Variants in PTPRR observed in about 807,000 individuals in gnomAD.
PTPRR encodes protein tyrosine phosphatase receptor type R, also known as receptor-type tyrosine-protein phosphatase R.
In PTPRR, 38 loss-of-function variants were observed where a neutral mutation model predicts 77.2. That is an observed-to-expected ratio of 0.49 (90% CI 0.38 to 0.65). The LOEUF is 0.65. Among genes scored for constraint, PTPRR ranks in the 30% least tolerant of loss-of-function variants. The pLI is 0.00. For missense variants in PTPRR, 744 were observed against 799.2 expected, an observed-to-expected ratio of 0.93 and a Z score of 0.83; for synonymous variants, 299 against 283.1, an observed-to-expected ratio of 1.06 and a Z score of -0.57.
At chr12:70,708,760 T>A (rs2136806620) in intron 6 of PTPRR, among the ~76,000 whole-genome samples, 1 of 151,866 alleles carries the variant, frequency 6.6e-6, no homozygotes, top group Middle Eastern at 3.4e-3. Flanking sequence ...CCATTCCTTG[T>A]GAAATGAGAA....
intron 2 of PTPRR, among the ~76,000 whole-genome samples, chr12:70,868,268 A>C (rs937446622): frequency 2.0e-5 from 3 of 152,080 alleles, no homozygotes; most frequent in Non-Finnish European, 4.4e-5. Context: ...AAATGGGAAA[A>C]AATTTTCGCA....
intron 1 of PTPRR, among the ~76,000 whole-genome samples, chr12:70,908,685 G>C (rs1893659431): frequency 6.6e-6 from 1 of 152,134 alleles, no homozygotes; most frequent in Admixed American, 6.5e-5. Context: ...GGGGAAAGAG[G>C]TCTGTAGCTG....
At chr12:70,768,683 A>G (rs1177694811) in intron 2 of PTPRR, among the ~76,000 whole-genome samples, 3 of 152,236 alleles carry the variant, frequency 2.0e-5, no homozygotes, top group African/African-American at 4.8e-5. Flanking sequence ...TCCTGATACC[A>G]AAGCCGGGCA....
At chr12:70,754,149 T>G (rs757802117) in intron 5 of PTPRR, 42 bp downstream of exon 5, 3 of 1,582,378 alleles carry the variant, frequency 1.9e-6, no homozygotes, top group Non-Finnish European at 2.6e-6. Context: ...TATCAAGCAG[T>G]GGGCTGAGCA....
intron 6 of PTPRR, among the ~76,000 whole-genome samples, chr12:70,705,779 A>C (rs928715635): frequency 6.6e-6 from 1 of 151,840 alleles, no homozygotes; most frequent in Admixed American, 6.6e-5. Flanking sequence ...TGTCTTCATT[A>C]GTGTACACGT....
At chr12:70,791,792 G>A (rs1234635541) in intron 2 of PTPRR, among the ~76,000 whole-genome samples, 1 of 152,154 alleles carries the variant, frequency 6.6e-6, no homozygotes, top group Admixed American at 6.5e-5. Context: ...ATGTAAAATA[G>A]TTGTGGGTGA....
intron 2 of PTPRR, among the ~76,000 whole-genome samples, chr12:70,858,728 C>T (rs191554570): frequency 1.9e-3 from 286 of 152,084 alleles, no homozygotes; most frequent in African/African-American, 6.3e-3. Flanking sequence ...TAGATGAAGC[C>T]GAGTGTCCAA....
chr12:70,756,555 G>A (rs765727098), intron 4 of PTPRR, among the ~76,000 whole-genome samples: 1 of 152,042 alleles, frequency 6.6e-6, no homozygotes, highest in Non-Finnish European at 1.5e-5. Flanking sequence ...TAATTCAGAG[G>A]CTCTGTTGTT....
chr12:70,915,450 C>A (rs547977992), intron 1 of PTPRR, among the ~76,000 whole-genome samples: 2 of 152,198 alleles, frequency 1.3e-5, no homozygotes, highest in African/African-American at 4.8e-5. Context: ...TATACATATT[C>A]CTGTGTCTCT....
intron 2 of PTPRR, among the ~76,000 whole-genome samples, chr12:70,769,004 A>C (rs575464291): frequency 7.0e-6 from 1 of 141,976 alleles, no homozygotes; most frequent in East Asian, 1.9e-4. Context: ...TTGATGGGAC[A>C]TATCTCAAAA....
intron 2 of PTPRR, among the ~76,000 whole-genome samples, chr12:70,835,866 A>G (rs1419330314): frequency 6.6e-6 from 1 of 152,084 alleles, no homozygotes; most frequent in Non-Finnish European, 1.5e-5. Flanking sequence ...TACTCTCCCC[A>G]GTACACTTAT....
chr12:70,654,499 C>A (rs904218078), intron 13 of PTPRR, among the ~76,000 whole-genome samples: 2 of 152,142 alleles, frequency 1.3e-5, no homozygotes, highest in Admixed American at 1.3e-4. Flanking sequence ...CACGCCACTG[C>A]ACTCCAGCTT....
chr12:70,899,979 G>T (rs986645977), intron 1 of PTPRR, among the ~76,000 whole-genome samples: 2 of 151,352 alleles, frequency 1.3e-5, no homozygotes, highest in African/African-American at 4.8e-5. Flanking sequence ...ACATGTGCAA[G>T]ATACATATAT....
intron 8 of PTPRR, among the ~76,000 whole-genome samples, chr12:70,692,572 A>T (rs1888091867): frequency 6.6e-6 from 1 of 152,204 alleles, no homozygotes; most frequent in African/African-American, 2.4e-5. Context: ...AGGCCTCACC[A>T]ACAGCTGCTT....
chr12:70,861,216 G>A (rs1208919628), intron 2 of PTPRR, among the ~76,000 whole-genome samples: 1 of 152,134 alleles, frequency 6.6e-6, no homozygotes, highest in African/African-American at 2.4e-5. Flanking sequence ...CAGGGAATGA[G>A]AGGTGGGATG....
chr12:70,856,291 G>C (rs1373834609), intron 2 of PTPRR, among the ~76,000 whole-genome samples: 1 of 152,166 alleles, frequency 6.6e-6, no homozygotes, highest in African/African-American at 2.4e-5. Flanking sequence ...ACTGGCTACA[G>C]TGAAGGTGTG....
chr12:70,660,124 C>T (rs1483628612), intron 12 of PTPRR, among the ~76,000 whole-genome samples: 2 of 151,336 alleles, frequency 1.3e-5, no homozygotes, highest in Non-Finnish European at 2.9e-5. Context: ...TTGCAGTGAG[C>T]CGAGATAGCG....
intron 1 of PTPRR, among the ~76,000 whole-genome samples, chr12:70,897,219 C>A (rs1303733186): frequency 2.0e-5 from 3 of 151,888 alleles, no homozygotes; most frequent in Non-Finnish European, 4.4e-5. Flanking sequence ...AACAGGCAAC[C>A]TACAAAATGG....
intron 2 of PTPRR, among the ~76,000 whole-genome samples, chr12:70,804,588 A>C (rs542955435): frequency 6.6e-6 from 1 of 152,152 alleles, no homozygotes; most frequent in Non-Finnish European, 1.5e-5. Flanking sequence ...TAATTAAATA[A>C]GAAGTAAACT....
Sources: allele counts gnomAD v4.1 joint callset (sites outside exome capture counted in the v4.1 genomes callset), GRCh38; gene constraint gnomAD v4.1.1; transcripts MANE v1.5; gene names NCBI Gene and HGNC (gene_info 2026-07-23, HGNC 2026-07-21).